FBN1: variants seen among roughly 807,000 people sequenced by gnomAD.
FBN1 encodes fibrillin 1.
A neutral mutation model predicts 365.1 loss-of-function variants in FBN1; 29 were observed. That is an observed-to-expected ratio of 0.08 (90% CI 0.06 to 0.11). The LOEUF is 0.11. Ranked by LOEUF, FBN1 falls within the 10% of genes least tolerant of loss-of-function variation. The pLI, the probability that FBN1 is intolerant of heterozygous loss-of-function variation, is 1.00. For synonymous variants in FBN1, 1,210 were observed against 1,270.5 expected, an observed-to-expected ratio of 0.95 and a Z score of 1.01; for missense variants, 2,476 against 3,703.2, an observed-to-expected ratio of 0.67 and a Z score of 8.60.
At chr15:48,629,296 A>G (rs1452539846) in intron 2 of FBN1, among the ~76,000 whole-genome samples, 1 of 152,240 alleles carries the variant, frequency 6.6e-6, no homozygotes, top group Non-Finnish European at 1.5e-5. Flanking sequence ...GCATCTTAAG[A>G]AGCACTGGTG....
Position 48,552,477 on chromosome 15 carries a change from G to T in FBN1, c.539-14669C>A, listed in dbSNP as rs552063799. Among the ~76,000 whole-genome samples, 12 of 151,806 alleles carry T rather than the reference G, an allele frequency of 7.9e-5. No homozygotes were observed. In the South Asian group the frequency reaches 2.5e-3, roughly 32 times the overall value. On this transcript the variant is annotated intron_variant, in intron 6 of 65. Coordinates refer to ENST00000316623, the MANE Select transcript of FBN1 (RefSeq NM_000138.5). ...TGTAGAGATGGGGTCTCCCTATGTT[G>T]CCCAGGCTGGTCTTGAAGTCCTGGG... is the stretch of plus-strand genomic sequence containing the variant.
intron 6 of FBN1, among the ~76,000 whole-genome samples, chr15:48,575,368 TA>T (rs1203218399): frequency 1.3e-5 from 2 of 151,670 alleles, no homozygotes; most frequent in African/African-American, 2.4e-5. Context: ...TGTATGTATT[TA>T]GGGGGTACAA....
chr15:48,565,316 C>CA (rs2044252054), intron 6 of FBN1, among the ~76,000 whole-genome samples: 1 of 151,800 alleles, frequency 6.6e-6, no homozygotes, highest in Non-Finnish European at 1.5e-5. Flanking sequence ...TTTTCTAATT[C>CA]AAAAAAATTA....
intron 2 of FBN1, among the ~76,000 whole-genome samples, chr15:48,629,375 T>C (rs1055360892): frequency 6.6e-6 from 1 of 152,200 alleles, no homozygotes; most frequent in Non-Finnish European, 1.5e-5. Flanking sequence ...ACAATCTACA[T>C]ATTCAAAAAT....
At chr15:48,543,835 G>T (rs1021116132) in intron 6 of FBN1, among the ~76,000 whole-genome samples, 14 of 152,140 alleles carry the variant, frequency 9.2e-5, no homozygotes, top group Non-Finnish European at 1.6e-4. Context: ...TGTGATAACG[G>T]TATTGTGGTT....
intron 34 of FBN1, 100 bp downstream of exon 34, chr15:48,474,154 TA>T (rs1254803868): frequency 6.5e-7 from 1 of 1,545,700 alleles, no homozygotes; most frequent in Non-Finnish European, 8.9e-7. Flanking sequence ...TCTTTTCTAT[TA>T]ACTGACCCAG....
At chr15:48,436,261 G>A (rs530789316) in intron 53 of FBN1, among the ~76,000 whole-genome samples, 1 of 152,210 alleles carries the variant, frequency 6.6e-6, no homozygotes, top group African/African-American at 2.4e-5. Flanking sequence ...GCCTAGAAAA[G>A]CTAAAAAAAC....
In FBN1 at chr15:48,520,837, T is replaced by TACAC; in HGVS notation, c.989-24_989-21dup. On this transcript the variant is annotated intron_variant, in intron 9 of 65. Transcript: ENST00000316623. ...GAACATCTGAGGACAAAGAAACACA[T>TACAC]ACACACACACACATCGCTGAGATAA... 1 of 1,612,740 alleles carries TACAC rather than the reference T, an allele frequency of 6.2e-7. No individual in the cohort carries two copies.
chr15:48,500,566 C>A (rs1335673393), intron 17 of FBN1, among the ~76,000 whole-genome samples: 2 of 152,010 alleles, frequency 1.3e-5, no homozygotes, highest in African/African-American at 4.8e-5. Flanking sequence ...AGCTCAGGCC[C>A]TGAATAAAAA....
chr15:48,629,402 C>T (rs948998284), intron 2 of FBN1, among the ~76,000 whole-genome samples: 7 of 152,002 alleles, frequency 4.6e-5, no homozygotes, highest in Non-Finnish European at 8.8e-5. Flanking sequence ...GACAGATCAA[C>T]CAATTGCAAA....
intron 2 of FBN1, among the ~76,000 whole-genome samples, chr15:48,625,739 G>A (rs1889863529): frequency 6.6e-6 from 1 of 152,224 alleles, no homozygotes; most frequent in Non-Finnish European, 1.5e-5. Context: ...CGTGAAGCAA[G>A]GAAGCAAGTC....
intron 8 of FBN1, among the ~76,000 whole-genome samples, chr15:48,528,331 C>G (rs904883639): frequency 6.6e-6 from 1 of 152,126 alleles, no homozygotes; most frequent in Non-Finnish European, 1.5e-5. Context: ...GATTTGGGCC[C>G]TTTATTGAAG....
At chr15:48,526,524 A>C (rs1242410182) in intron 8 of FBN1, among the ~76,000 whole-genome samples, 1 of 152,218 alleles carries the variant, frequency 6.6e-6, no homozygotes, top group Admixed American at 6.5e-5. Context: ...CTGTTGTTTC[A>C]CCAAGTAACT....
intron 2 of FBN1, chr15:48,640,972 A>G (rs2140780340): frequency 6.6e-6 from 1 of 152,318 alleles, no homozygotes; most frequent in Non-Finnish European, 1.5e-5. Flanking sequence ...ATTCCCATGA[A>G]TTGAAAGTCA....
chr15:48,425,610 G>T, intron 59 of FBN1, 119 bp from the exon 60 acceptor site: 1 of 1,537,796 alleles, frequency 6.5e-7, no homozygotes, highest in South Asian at 1.1e-5. Flanking sequence ...ACTCTGTGTA[G>T]ACTTTGATGA....
At chr15:48,627,758 A>C (rs915603813) in intron 2 of FBN1, among the ~76,000 whole-genome samples, 5 of 152,224 alleles carry the variant, frequency 3.3e-5, no homozygotes, top group African/African-American at 1.2e-4. Flanking sequence ...TCTTCCCTGA[A>C]ATCCAACCCG....
Position 48,421,478 on chromosome 15 carries a change from G to A in FBN1, c.7699+80C>T, listed in dbSNP as rs189686875. 315 of 1,539,662 alleles carry A rather than the reference G, an allele frequency of 2.0e-4. 2 individuals carry two copies. The East Asian group carries it at 6.2e-3, about 30-fold the overall frequency. On this transcript the variant is annotated intron_variant, in intron 62 of 65. Transcript: ENST00000316623. ...TCAGATCTGCTATCTCATAGAGGCTGATGATGAAGGTGCCAATAGCCACAC... is the reference window on the plus strand; with the variant it reads ...TCAGATCTGCTATCTCATAGAGGCTAATGATGAAGGTGCCAATAGCCACAC...
At chr15:48,596,483 C>G in intron 5 of FBN1, 105 bp from the exon 6 acceptor site, 4 of 1,099,970 alleles carry the variant, frequency 3.6e-6, no homozygotes, top group Non-Finnish European at 5.5e-6. Flanking sequence ...CTAAAGTCAC[C>G]CTGGTGTTTG....
chr15:48,472,223 C>G (rs986294240), intron 35 of FBN1, among the ~76,000 whole-genome samples: 7 of 152,164 alleles, frequency 4.6e-5, no homozygotes, highest in African/African-American at 1.7e-4. Context: ...TAGGGATTAA[C>G]AGGTTGCATC....
Sources: allele counts gnomAD v4.1 joint callset (sites outside exome capture counted in the v4.1 genomes callset), GRCh38; gene constraint gnomAD v4.1.1; transcripts MANE v1.5; gene names NCBI Gene and HGNC (gene_info 2026-07-23, HGNC 2026-07-21).